CLIP2: variants seen among roughly 807,000 people sequenced by gnomAD.
CLIP2 encodes the protein CAP-Gly domain containing linker protein 2, also known as CAP-Gly domain-containing linker protein 2.
A neutral mutation model predicts 111.7 loss-of-function variants in CLIP2; 41 were observed. That is an observed-to-expected ratio of 0.37 (90% CI 0.29 to 0.48). The LOEUF is 0.48. Ranked by LOEUF, CLIP2 falls within the 20% of genes least tolerant of loss-of-function variation. CLIP2 has a pLI of 0.99. For synonymous variants in CLIP2, 660 were observed against 644.2 expected (o/e 1.02, Z -0.37); for missense variants, 1,160 against 1,422.1 (o/e 0.82, Z 2.96).
At chr7:74,369,854 CA>C (rs58294211) in intron 8 of CLIP2, among the ~76,000 whole-genome samples, 154 of 9,492 alleles carry the variant, frequency 0.016, no homozygotes, top group African/African-American at 0.043. Context: ...GACTCTGCCT[CA>C]AAAAAAAAAA....
intron 7 of CLIP2, among the ~76,000 whole-genome samples, chr7:74,363,277 C>T (rs1349727632): frequency 5.3e-5 from 8 of 152,278 alleles, no homozygotes; most frequent in East Asian, 1.9e-4. Flanking sequence ...GTTGGGATTA[C>T]GGGCGTGAGC....
chr7:74,355,057 A>C (rs1790109486), intron 4 of CLIP2, among the ~76,000 whole-genome samples: 1 of 152,154 alleles, frequency 6.6e-6, no homozygotes, highest in African/African-American at 2.4e-5. Flanking sequence ...GATGTGGACT[A>C]AGGTGAGGCC....
At chr7:74,313,905 G>A (rs1788703804) in intron 1 of CLIP2, among the ~76,000 whole-genome samples, 1 of 152,040 alleles carries the variant, frequency 6.6e-6, no homozygotes, top group African/African-American at 2.4e-5. Flanking sequence ...AATGTAGGCT[G>A]GGAGCAGTGG....
At chr7:74,348,489 CTT>C (rs1789866666) in intron 3 of CLIP2, among the ~76,000 whole-genome samples, 1 of 151,244 alleles carries the variant, frequency 6.6e-6, no homozygotes, top group South Asian at 2.1e-4. Context: ...GACCCTGTCT[CTT>C]AAAAAAAGAA....
chr7:74,324,505 G>A (rs565578890), intron 2 of CLIP2, among the ~76,000 whole-genome samples: 22 of 152,074 alleles, frequency 1.4e-4, no homozygotes, highest in Admixed American at 1.1e-3. Flanking sequence ...CTGGGTGGTC[G>A]GACTGCCTTG....
chr7:74,400,629 G>A, intron 15 of CLIP2, 74 bp downstream of exon 15: 1 of 1,393,268 alleles, frequency 7.2e-7, no homozygotes, highest in Non-Finnish European at 9.6e-7. Flanking sequence ...GTCTGATGCG[G>A]GAGGCAGCCT....
chr7:74,356,369 T>C (rs2116606171), intron 4 of CLIP2, 41 bp from the exon 5 acceptor site: 1 of 1,569,320 alleles, frequency 6.4e-7, no homozygotes, highest in Non-Finnish European at 8.8e-7. Flanking sequence ...CTCCAGGCTT[T>C]GGGGCCGTGA....
rs781799906 is a variant in CLIP2 at position 74,356,563 on chromosome 7, C to T, written c.957C>T (p.Ser319=). Residue 319 remains serine, a synonymous_variant, in exon 5 of 17, where the codon TCC becomes TCT. Coordinates refer to ENST00000223398, the MANE Select transcript of CLIP2 (RefSeq NM_003388.5). Reference sequence around the variant, plus strand: ...TGACCCACAGTCCCAGCAGTTCCTCCATCAGCTCCGTCAGCTCTGTGGCCT... The same window carrying T: ...TGACCCACAGTCCCAGCAGTTCCTCTATCAGCTCCGTCAGCTCTGTGGCCT... ...SALTHSPSSS[S]ISSVSSVASS... is the part of the protein sequence containing the mutation. 2 of 1,614,096 alleles carry T rather than the reference C, an allele frequency of 1.2e-6. No homozygotes were observed. The highest frequency in any genetic ancestry group is 1.3e-5 in the African/African-American group (1 of 74,942).
chr7:74,356,990 T>C (rs1244300450), intron 5 of CLIP2, among the ~76,000 whole-genome samples: 2 of 152,090 alleles, frequency 1.3e-5, no homozygotes, highest in Non-Finnish European at 1.5e-5. Context: ...TGGAGGTTCC[T>C]CCTTTCCCAG....
chr7:74,335,995 GC>G (rs1222738531), intron 2 of CLIP2, among the ~76,000 whole-genome samples: 1 of 107,524 alleles, frequency 9.3e-6, no homozygotes, highest in Non-Finnish European at 2.2e-5. Context: ...GCCCGCCTCG[GC>G]CTCCCAAAGT....
At chr7:74,308,004 A>C (rs1395681275) in intron 1 of CLIP2, among the ~76,000 whole-genome samples, 2 of 152,084 alleles carry the variant, frequency 1.3e-5, no homozygotes, top group African/African-American at 4.8e-5. Flanking sequence ...GCCCTGCCTG[A>C]AGTTGCCTGT....
At chr7:74,372,628 C>T (rs1451638401) in intron 8 of CLIP2, among the ~76,000 whole-genome samples, 2 of 151,990 alleles carry the variant, frequency 1.3e-5, no homozygotes, top group African/African-American at 2.4e-5. Context: ...CCATTGCTAC[C>T]CCAAGCAGGG....
rs528935880 is a variant in CLIP2, at chr7:74,403,453, C to T, written c.3130-384C>T. On this transcript the variant is annotated intron_variant, in intron 16 of 16. Transcript: ENST00000223398. ...GCATGGTGGCGCATGCCTGTTATCCCAGCTACTCAGGAGGCTGAAGCAGGA... is the reference window on the plus strand; with the variant it reads ...GCATGGTGGCGCATGCCTGTTATCCTAGCTACTCAGGAGGCTGAAGCAGGA... Among the ~76,000 whole-genome samples, 3 of 152,224 alleles carry T rather than the reference C, an allele frequency of 2.0e-5. 1 individual carries two copies. The East Asian group carries it at 5.8e-4, about 29-fold the overall frequency.
intron 1 of CLIP2, among the ~76,000 whole-genome samples, chr7:74,309,057 T>G (rs1244352169): frequency 2.0e-5 from 3 of 151,804 alleles, no homozygotes; most frequent in Admixed American, 6.6e-5. Flanking sequence ...TTTGTAGAGA[T>G]AGATTTTCGC....
intron 3 of CLIP2, among the ~76,000 whole-genome samples, chr7:74,349,470 GTA>G (rs1158400867): frequency 0.071 from 2,371 of 33,574 alleles, 109 homozygotes; most frequent in African/African-American, 0.17. Context: ...GTGTGTGTGT[GTA>G]TATATATATA....
Position 74,393,303 on chromosome 7 carries a change from C to T in CLIP2, c.2721-3771C>T, listed in dbSNP as rs533639655. Among the ~76,000 whole-genome samples the T allele has an allele frequency of 9.9e-4, 150 of 151,900 alleles. 1 individual carries two copies. Among genetic ancestry groups the T allele is most frequent in the Non-Finnish European group, 1.5e-3 (103 of 67,930 alleles). On this transcript the variant is annotated intron_variant, in intron 13 of 16. Transcript: ENST00000223398. ...TCTGCCTCCCAAAGTGCTGGGAGTA[C>T]AGGCATGAGCCACCGCACTGGGCCC...
At chr7:74,355,756 T>A (rs1436704587) in intron 4 of CLIP2, among the ~76,000 whole-genome samples, 2 of 152,240 alleles carry the variant, frequency 1.3e-5, no homozygotes, top group Non-Finnish European at 2.9e-5. Context: ...TTCTTTTGAC[T>A]CACTTTTGCT....
intron 7 of CLIP2, 78 bp downstream of exon 7, chr7:74,360,356 G>T: frequency 9.0e-7 from 1 of 1,112,472 alleles, no homozygotes. Context: ...TGGGAATAGC[G>T]GACCCAGGTT....
chr7:74,307,297 C>A (rs1182908762), intron 1 of CLIP2, among the ~76,000 whole-genome samples: 1 of 152,144 alleles, frequency 6.6e-6, no homozygotes, highest in Non-Finnish European at 1.5e-5. Flanking sequence ...CTGGGCTCGG[C>A]AGGATGGGAG....
Sources: gnomAD v4.1 joint callset for allele counts (sites outside exome capture counted in the v4.1 genomes callset) on GRCh38, gnomAD v4.1.1 for gene constraint, MANE v1.5 for transcripts, NCBI Gene and HGNC (gene_info 2026-07-23, HGNC 2026-07-21) for gene names.